TRAPPC10: variants seen among roughly 807,000 people sequenced by gnomAD.
The protein encoded by TRAPPC10 is trafficking protein particle complex subunit 10.
TRAPPC10 carries 23 observed loss-of-function variants against 125.5 expected under a neutral mutation model. The observed-to-expected ratio is 0.18, with a 90% CI of 0.13 to 0.26. TRAPPC10 has a LOEUF of 0.26. Among genes scored for constraint, TRAPPC10 ranks in the 10% least tolerant of loss-of-function variants. TRAPPC10 has a pLI of 1.00. For missense variants in TRAPPC10, 1,123 were observed against 1,308.4 expected (o/e 0.86, Z 2.19); for synonymous variants, 509 against 518.0 (o/e 0.98, Z 0.24).
Position 44,062,144 on chromosome 21 carries a change from T to A in TRAPPC10, c.791-1394T>A, listed in dbSNP as rs61146994. ...TTATATTTGACATAATTTATTTGGT[T>A]TTTTCTCTCAGTTTTAAAATTTGGG... On this transcript the variant is annotated intron_variant, in intron 6 of 22. Transcript: ENST00000291574. 5.6e-3 allele frequency among the ~76,000 whole-genome samples: 853 copies of A among 152,288 alleles called. 11 individuals carry two copies. Among genetic ancestry groups the A allele is most frequent in the African/African-American group, 0.02 (827 of 41,546 alleles).
intron 6 of TRAPPC10, among the ~76,000 whole-genome samples, chr21:44,062,321 T>C (rs965454209): frequency 6.6e-6 from 1 of 152,236 alleles, no homozygotes; most frequent in African/African-American, 2.4e-5. Flanking sequence ...AGAATCCCTT[T>C]TTTTATGATG....
rs563269828 is a variant in TRAPPC10 at position 44,025,157 on chromosome 21, A to G, written c.68-6934A>G. On this transcript the variant is annotated intron_variant, in intron 1 of 22. Transcript: ENST00000291574. The stretch of plus-strand genomic sequence containing the variant: ...CGGGCCTGTTGGGATGGAGCCCTGC[A>G]GGGCGGGTTGCTGGGCTGAGGCAAA... 1.4e-4 allele frequency among the ~76,000 whole-genome samples: 22 copies of G among 152,332 alleles called. No individual in the cohort carries two copies. The East Asian group carries it at 3.5e-3, about 24-fold the overall frequency.
chr21:44,051,074 T>G (rs1181248473), intron 3 of TRAPPC10, among the ~76,000 whole-genome samples: 1 of 152,200 alleles, frequency 6.6e-6, no homozygotes, highest in Admixed American at 6.5e-5. Flanking sequence ...CGGCTAATCT[T>G]TCCATTTTTA....
Position 44,087,488 on chromosome 21 carries a change from TG to T in TRAPPC10, c.2540-210del, listed in dbSNP as rs2038221640. ...AAATGCCCTTTTCCTCTCTTCAGAT[TG>T]AGATCAATGATGGGTCTGGGCGCCT... is the stretch of plus-strand genomic sequence containing the variant. On this transcript the variant is annotated intron_variant, in intron 16 of 22. Transcript: ENST00000291574. This position sits in a 1 kb window ranked among gnomAD's most constrained non-coding sequence, Gnocchi z 4.6. Among the ~76,000 whole-genome samples, 1 of 151,940 alleles carries T rather than the reference TG, an allele frequency of 6.6e-6. No individual in the cohort carries two copies. The highest frequency in any genetic ancestry group is 1.5e-5 in the Non-Finnish European group (1 of 67,970).
At chr21:44,028,390 A>C (rs2033262099) in intron 1 of TRAPPC10, among the ~76,000 whole-genome samples, 1 of 152,102 alleles carries the variant, frequency 6.6e-6, no homozygotes, top group Admixed American at 6.6e-5. Context: ...GGCACCCTAG[A>C]AAGAGTGCCT....
intron 1 of TRAPPC10, among the ~76,000 whole-genome samples, chr21:44,024,830 C>T (rs1384501167): frequency 2.0e-5 from 3 of 152,182 alleles, no homozygotes. Context: ...CCTCTCCATG[C>T]TAACTCCTCC....
At chr21:44,066,141 C>T (rs1004904684) in intron 7 of TRAPPC10, among the ~76,000 whole-genome samples, 1 of 152,178 alleles carries the variant, frequency 6.6e-6, no homozygotes, top group Admixed American at 6.5e-5. Context: ...GTCCCACTTT[C>T]GAGTGGGTGG....
intron 17 of TRAPPC10, chr21:44,089,370 A>G (rs914927512): frequency 5.5e-6 from 2 of 361,976 alleles, no homozygotes; most frequent in African/African-American, 2.1e-5. Context: ...TTTCAGTTAC[A>G]TATTCAGCCT....
At chr21:44,041,055 T>C (rs926326646) in intron 3 of TRAPPC10, among the ~76,000 whole-genome samples, 2 of 152,234 alleles carry the variant, frequency 1.3e-5, no homozygotes, top group Non-Finnish European at 2.9e-5. Context: ...AATTCACAAG[T>C]GGTTGATCGG....
chr21:44,030,685 C>A (rs752294545), intron 1 of TRAPPC10, among the ~76,000 whole-genome samples: 20 of 152,144 alleles, frequency 1.3e-4, no homozygotes, highest in Non-Finnish European at 2.2e-4. Context: ...TCAGGCTGGT[C>A]TCAAACTCCC....
rs188878300 is a variant in TRAPPC10 at position 44,077,576 on chromosome 21, C to T, written c.1378-117C>T. ...CTCCAGCCTGGGCGATGGAGCAAGA[C>T]TCTGTCTCAAAACAAAAACCCAACA... is the stretch of plus-strand genomic sequence containing the variant. On this transcript the variant is annotated intron_variant, in intron 10 of 22. Transcript: ENST00000291574. 775 of 742,812 alleles carry T rather than the reference C, an allele frequency of 1.0e-3. 7 individuals carry two copies. In the African/African-American group the frequency reaches 0.012, roughly 12 times the overall value. The allele number at this position is 742,812 out of a possible 1,614,324, so 46.0% of individuals were successfully genotyped here.
intron 2 of TRAPPC10, among the ~76,000 whole-genome samples, chr21:44,032,911 G>A (rs1299574117): frequency 6.6e-6 from 1 of 152,180 alleles, no homozygotes; most frequent in African/African-American, 2.4e-5. Flanking sequence ...CCTGGCTCCT[G>A]TGCGTTTTCC....
intron 1 of TRAPPC10, among the ~76,000 whole-genome samples, chr21:44,030,350 A>AG (rs1430865125): frequency 1.3e-5 from 2 of 152,194 alleles, no homozygotes; most frequent in African/African-American, 4.8e-5. Context: ...AAGAGTAATG[A>AG]TTTTTATACA....
Position 44,082,464 on chromosome 21 carries a change from T to C in TRAPPC10, c.1724-324T>C, listed in dbSNP as rs2037825938. 6.6e-6 allele frequency among the ~76,000 whole-genome samples: 1 copy of C among 152,234 alleles called. No individual in the cohort carries two copies. The highest frequency in any genetic ancestry group is 1.5e-5 in the Non-Finnish European group (1 of 68,046). On this transcript the variant is annotated intron_variant, in intron 13 of 22. Transcript: ENST00000291574. This position sits in a 1 kb window ranked among gnomAD's most constrained non-coding sequence, Gnocchi z 4.4. ...AATCCCTTGGAAATAGCTGTAGAAA[T>C]TGGACTATTTACAAATTGTCGTTTG...
At chr21:44,076,323 G>A (rs929078507) in intron 9 of TRAPPC10, among the ~76,000 whole-genome samples, 1 of 152,164 alleles carries the variant, frequency 6.6e-6, no homozygotes, top group Admixed American at 6.5e-5. Flanking sequence ...AAAAAGTTTA[G>A]TTCTAAAGAT....
chr21:44,052,472 G>T lies in TRAPPC10; in HGVS notation c.478G>T (p.Asp160Tyr). 1.2e-6 allele frequency: 2 copies of T among 1,601,232 alleles called. No individual in the cohort carries two copies. The highest frequency in any genetic ancestry group is 2.3e-5 in the South Asian group (2 of 88,198). Residue 160 changes from aspartate to tyrosine, a missense_variant, in exon 4 of 23, where the codon GAC becomes TAC. Asp to Tyr is a radical substitution (Grantham distance 160). Around this residue, in one of 4 missense-constraint regions of TRAPPC10, gnomAD observed 177 missense variants for 228.9 expected, o/e 0.77. Coordinates refer to ENST00000291574, the MANE Select transcript of TRAPPC10 (RefSeq NM_003274.5). ...AAATGATTTTTGTAATAAACAGAGT[G>T]ACAGGTAAGTGTATCTTTAATTTTA... is the stretch of plus-strand genomic sequence containing the variant. ...IRNDFCNKQS[D>Y]RCVVLSDPLK...
intron 1 of TRAPPC10, among the ~76,000 whole-genome samples, chr21:44,020,379 G>A (rs1201940673): frequency 6.6e-6 from 1 of 151,992 alleles, no homozygotes; most frequent in East Asian, 1.9e-4. Context: ...GCCCGCCTCG[G>A]CCTCTCAAAG....
chr21:44,066,651 T>C lies in TRAPPC10; in HGVS notation c.1038+2866T>C, dbSNP rs538201542. Among the ~76,000 whole-genome samples the C allele has an allele frequency of 3.3e-5, 5 of 152,336 alleles. No homozygotes were observed. The South Asian group carries it at 1.0e-3, about 32-fold the overall frequency. ...TTTTGCTAGCAGGAAGAGGTTCCCTTTTTTTGTCCATGGCCTTCTTATGTA... is the reference window on the plus strand; with the variant it reads ...TTTTGCTAGCAGGAAGAGGTTCCCTCTTTTTGTCCATGGCCTTCTTATGTA... On this transcript the variant is annotated intron_variant, in intron 7 of 22. Transcript: ENST00000291574.
At chr21:44,067,922 C>T (rs2036570259) in intron 7 of TRAPPC10, among the ~76,000 whole-genome samples, 2 of 152,074 alleles carry the variant, frequency 1.3e-5, no homozygotes, top group Non-Finnish European at 2.9e-5. Context: ...GAGTTCCAGA[C>T]CAGCCTGGCC....
Sources: allele counts gnomAD v4.1 joint callset (sites outside exome capture counted in the v4.1 genomes callset), GRCh38; gene constraint gnomAD v4.1.1; regional missense constraint gnomAD v4.1.1; non-coding constraint Gnocchi (gnomAD v3.1); transcripts MANE v1.5; gene names NCBI Gene and HGNC (gene_info 2026-07-23, HGNC 2026-07-21).